The following PIP4K2A variants were observed in gnomAD, a reference collection of about 807,000 sequenced individuals.
The protein encoded by PIP4K2A is phosphatidylinositol 5-phosphate 4-kinase type-2 alpha.
A neutral mutation model predicts 42.9 loss-of-function variants in PIP4K2A; 14 were observed. The observed-to-expected ratio is 0.33, with a 90% CI of 0.22 to 0.51. PIP4K2A has a LOEUF of 0.51. Among genes scored for constraint, PIP4K2A ranks in the 20% least tolerant of loss-of-function variants. The pLI, the probability that PIP4K2A is intolerant of heterozygous loss-of-function variation, is 0.97. For synonymous variants in PIP4K2A, 192 were observed against 192.2 expected (o/e 1.00, Z 0.01); for missense variants, 434 against 519.8 (o/e 0.83, Z 1.61).
intron 1 of PIP4K2A, among the ~76,000 whole-genome samples, chr10:22,677,723 T>C (rs1041722154): frequency 1.3e-5 from 2 of 152,224 alleles, no homozygotes; most frequent in African/African-American, 4.8e-5. Context: ...AACTATTCAC[T>C]TAGCTTACTT....
At chr10:22,645,716 C>CA (rs1375391568) in intron 1 of PIP4K2A, among the ~76,000 whole-genome samples, 1 of 149,084 alleles carries the variant, frequency 6.7e-6, no homozygotes, top group African/African-American at 2.5e-5. Flanking sequence ...GACAGGGTCT[C>CA]ACTCAGGGAC....
Position 22,607,951 on chromosome 10 carries a change from A to G in PIP4K2A, c.315T>C (p.Phe105=). ...CCTGGAAATCTTGATCATCAATTCC[A>G]AACCTCTCCCGCAGGTTACGGAAGA... The part of the protein sequence containing the change: ...PMVFRNLRER[F]GIDDQDFQNS... Residue 105 remains phenylalanine (F), a synonymous_variant, in exon 3 of 10, where the codon TTT becomes TTC. Coordinates refer to ENST00000376573, the MANE Select transcript of PIP4K2A (RefSeq NM_005028.5). The G allele has an allele frequency of 6.2e-7, 1 of 1,612,910 alleles. No homozygotes were observed. Among genetic ancestry groups the G allele is most frequent in the Non-Finnish European group, 8.5e-7 (1 of 1,178,980 alleles).
At chr10:22,711,237 T>C (rs1217048620) in intron 1 of PIP4K2A, among the ~76,000 whole-genome samples, 1 of 152,202 alleles carries the variant, frequency 6.6e-6, no homozygotes, top group Non-Finnish European at 1.5e-5. Flanking sequence ...ACCACCTCAA[T>C]GGACTTGAAC....
chr10:22,544,671 G>A (rs1308213075), intron 7 of PIP4K2A, among the ~76,000 whole-genome samples: 1 of 152,218 alleles, frequency 6.6e-6, no homozygotes, highest in Non-Finnish European at 1.5e-5. Context: ...AAGGGCAGAA[G>A]TTTTCAAAAT....
At chr10:22,537,331 C>T (rs1411986401) in intron 9 of PIP4K2A, 50 bp from the exon 10 acceptor site, 2 of 1,375,862 alleles carry the variant, frequency 1.5e-6, no homozygotes, top group East Asian at 2.5e-5. Context: ...TATGATTTCC[C>T]CAAATTATTA....
chr10:22,642,738 A>T, intron 1 of PIP4K2A, among the ~76,000 whole-genome samples: 1 of 152,054 alleles, frequency 6.6e-6, no homozygotes, highest in East Asian at 1.9e-4. Context: ...ACACATTCAC[A>T]TGAAAAGATC....
chr10:22,609,951 G>A (rs189904563), intron 1 of PIP4K2A, among the ~76,000 whole-genome samples: 2 of 152,202 alleles, frequency 1.3e-5, no homozygotes, highest in Admixed American at 1.3e-4. Context: ...CAGTGGTGAG[G>A]GAGAGTCAAT....
intron 4 of PIP4K2A, 150 bp downstream of exon 4, chr10:22,591,479 G>A: frequency 1.8e-6 from 1 of 551,094 alleles, no homozygotes; most frequent in Non-Finnish European, 3.0e-6. Context: ...TCTGGCCACT[G>A]TAATTTTAGA....
At chr10:22,616,670 A>G (rs1241625926) in intron 1 of PIP4K2A, among the ~76,000 whole-genome samples, 1 of 151,920 alleles carries the variant, frequency 6.6e-6, no homozygotes, top group Admixed American at 6.6e-5. Flanking sequence ...TTGTGTTCAA[A>G]AAAACTTCTA....
At chr10:22,708,322 C>A (rs1833856641) in intron 1 of PIP4K2A, among the ~76,000 whole-genome samples, 1 of 152,172 alleles carries the variant, frequency 6.6e-6, no homozygotes, top group Admixed American at 6.5e-5. Context: ...TTTCTTCTTC[C>A]TCTGTCCTTC....
chr10:22,665,424 C>T (rs909176551), intron 1 of PIP4K2A, among the ~76,000 whole-genome samples: 6 of 152,152 alleles, frequency 3.9e-5, no homozygotes, highest in African/African-American at 1.4e-4. Flanking sequence ...TGTTCCACTA[C>T]TGAAGGTCAT....
intron 1 of PIP4K2A, among the ~76,000 whole-genome samples, chr10:22,631,035 C>A (rs185060895): frequency 1.4e-3 from 220 of 152,268 alleles, no homozygotes; most frequent in African/African-American, 5.1e-3. Context: ...AAGTCATGCA[C>A]CCTGCCCAGA....
chr10:22,648,153 G>A (rs1838921521), intron 1 of PIP4K2A, among the ~76,000 whole-genome samples: 1 of 152,012 alleles, frequency 6.6e-6, no homozygotes, highest in Admixed American at 6.6e-5. Context: ...AATTCACTCT[G>A]TTTAAATATA....
chr10:22,537,049 C>T lies in PIP4K2A; in HGVS notation c.*152G>A, dbSNP rs1056180603. The T allele has an allele frequency of 6.4e-6, 4 of 620,880 alleles. No homozygotes were observed. The highest frequency in any genetic ancestry group is 5.6e-5 in the East Asian group (2 of 35,714). The allele number at this position is 620,880 out of a possible 1,614,324, so 38.5% of individuals were successfully genotyped here. A position where few individuals can be genotyped will look rare whatever the true frequency, so the allele number is the denominator to read the frequency against. On this transcript the variant is annotated 3_prime_UTR_variant, in exon 10 of 10. Transcript: ENST00000376573. ...AATCAGGTAGCTGTAAAGCGAGTAG[C>T]CCCCAAATCAGTCATCTTGGCCTGA... is the stretch of plus-strand genomic sequence containing the variant.
At chr10:22,606,206 G>A (rs949707542) in intron 3 of PIP4K2A, among the ~76,000 whole-genome samples, 3 of 151,822 alleles carry the variant, frequency 2.0e-5, no homozygotes, top group African/African-American at 7.3e-5. Context: ...AGCTACTCTG[G>A]ACGCTGAGGT....
At chr10:22,679,482 T>C (rs1479246259) in intron 1 of PIP4K2A, among the ~76,000 whole-genome samples, 2 of 152,202 alleles carry the variant, frequency 1.3e-5, no homozygotes, top group African/African-American at 2.4e-5. Flanking sequence ...TGTAAAATTA[T>C]ACAGTTGCTT....
At chr10:22,706,242 C>T (rs568186318) in intron 1 of PIP4K2A, among the ~76,000 whole-genome samples, 1 of 152,264 alleles carries the variant, frequency 6.6e-6, no homozygotes, top group African/African-American at 2.4e-5. Flanking sequence ...CAAGGTCCTC[C>T]TCATTGTTAC....
intron 1 of PIP4K2A, among the ~76,000 whole-genome samples, chr10:22,695,459 C>A (rs1466023989): frequency 1.3e-5 from 2 of 152,122 alleles, no homozygotes; most frequent in South Asian, 2.1e-4. Context: ...CTTTTAGAAT[C>A]ATTTATTATT....
At chr10:22,562,491 G>A (rs1836736107) in intron 6 of PIP4K2A, among the ~76,000 whole-genome samples, 1 of 152,234 alleles carries the variant, frequency 6.6e-6, no homozygotes, top group African/African-American at 2.4e-5. Flanking sequence ...GGAGCTTGCA[G>A]TGAGCTGAGA....
Sources: gnomAD v4.1 joint callset for allele counts (sites outside exome capture counted in the v4.1 genomes callset) on GRCh38, gnomAD v4.1.1 for gene constraint, MANE v1.5 for transcripts, NCBI Gene and HGNC (gene_info 2026-07-23, HGNC 2026-07-21) for gene names.